DSCAM: variants seen among roughly 807,000 people sequenced by gnomAD.
The protein encoded by DSCAM is DS cell adhesion molecule.
DSCAM carries 47 observed loss-of-function variants against 217.7 expected under a neutral mutation model. That is an observed-to-expected ratio of 0.22 (90% CI 0.17 to 0.28). The LOEUF is 0.28. DSCAM is among the 10% of genes least tolerant of loss of function. DSCAM has a pLI of 1.00. For missense variants in DSCAM, 2,080 were observed against 2,618.3 expected (o/e 0.79, Z 4.49); for synonymous variants, 1,056 against 1,015.3 (o/e 1.04, Z -0.76).
intron 8 of DSCAM, among the ~76,000 whole-genome samples, chr21:40,324,103 C>CAAAAAAAAA (rs71330393): frequency 1.6e-3 from 45 of 27,944 alleles, no homozygotes; most frequent in African/African-American, 1.8e-3. Flanking sequence ...AACTCTGTCT[C>CAAAAAAAAA]AAAAAAAAAA....
At chr21:40,432,639 AT>A (rs1286951348) in intron 3 of DSCAM, among the ~76,000 whole-genome samples, 2 of 152,224 alleles carry the variant, frequency 1.3e-5, no homozygotes, top group African/African-American at 4.8e-5. Context: ...GACACAGCTA[AT>A]TATCTTGCCC....
At chr21:40,413,552 A>C (rs1344985078) in intron 3 of DSCAM, among the ~76,000 whole-genome samples, 1 of 152,186 alleles carries the variant, frequency 6.6e-6, no homozygotes, top group Admixed American at 6.5e-5. Context: ...AATTTCTCCT[A>C]TTTCTCTTGA....
chr21:40,071,652 G>A (rs1302876341), intron 27 of DSCAM, among the ~76,000 whole-genome samples: 1 of 152,122 alleles, frequency 6.6e-6, no homozygotes. Context: ...CCTGATAGAT[G>A]GTTGCTCACG....
intron 30 of DSCAM, among the ~76,000 whole-genome samples, chr21:40,051,167 A>C (rs1465113069): frequency 6.6e-6 from 1 of 152,212 alleles, no homozygotes; most frequent in South Asian, 2.1e-4. Context: ...AATTGATTAG[A>C]GATTTGAAAG....
chr21:40,607,060 C>G (rs958846932), intron 3 of DSCAM, among the ~76,000 whole-genome samples: 1 of 152,180 alleles, frequency 6.6e-6, no homozygotes, highest in Admixed American at 6.5e-5. Flanking sequence ...GTATAAATTA[C>G]CCAGTCTTGG....
chr21:40,068,097 T>C (rs1208288654), intron 27 of DSCAM, among the ~76,000 whole-genome samples: 1 of 151,950 alleles, frequency 6.6e-6, no homozygotes, highest in African/African-American at 2.4e-5. Flanking sequence ...GGCTGGGAAA[T>C]GATGGAGAAA....
chr21:40,354,147 T>A (rs955390633), intron 4 of DSCAM, among the ~76,000 whole-genome samples: 2 of 152,188 alleles, frequency 1.3e-5, no homozygotes, highest in African/African-American at 4.8e-5. Flanking sequence ...GGTAGACAGA[T>A]CAGTGGAATG....
chr21:40,668,156 A>C (rs1174089315), intron 3 of DSCAM, among the ~76,000 whole-genome samples: 1 of 152,142 alleles, frequency 6.6e-6, no homozygotes, highest in Non-Finnish European at 1.5e-5. Flanking sequence ...AGTGTCTGAA[A>C]ATGACTCGTT....
chr21:40,754,332 C>T lies in DSCAM; in HGVS notation c.44-45561G>A, dbSNP rs533398484. Among the ~76,000 whole-genome samples the T allele has an allele frequency of 2.1e-3, 315 of 152,296 alleles. 1 individual carries two copies. Among genetic ancestry groups the T allele is most frequent in the African/African-American group, 7.3e-3 (302 of 41,554 alleles). On this transcript the variant is annotated intron_variant, in intron 1 of 32. Transcript: ENST00000400454. ...CTTTTGACATATTAAATGTGTCTAC[C>T]TTCAGAATCCCCCAGAAGGAGACTC...
At position 40,144,425 on chromosome 21, in the gene DSCAM, C is replaced by T; in HGVS notation, c.3259+66G>A. 6 of 1,592,898 alleles carry T rather than the reference C, an allele frequency of 3.8e-6. No individual in the cohort carries two copies. Among genetic ancestry groups the T allele is most frequent in the Admixed American group, 1.7e-5 (1 of 59,188 alleles). On this transcript the variant is annotated intron_variant, in intron 17 of 32. Transcript: ENST00000400454. This position sits in a 1 kb window ranked among gnomAD's most constrained non-coding sequence, Gnocchi z 4.8. ...CGGGGGAGTGCGAGGTTGGGGGAGC[C>T]CCGGGGCAGACCCGAGGGAACCTTT... is the stretch of plus-strand genomic sequence containing the variant.
chr21:40,806,811 G>A (rs1198776986), intron 1 of DSCAM, among the ~76,000 whole-genome samples: 2 of 152,114 alleles, frequency 1.3e-5, no homozygotes, highest in East Asian at 3.9e-4. Context: ...TCCTTTGCAG[G>A]GACATGGATG....
rs1197261443 is a variant in DSCAM, at chr21:40,301,619, A to ACCACAGCC, written c.2063-5446_2063-5445insGGCTGTGG. ...ATAGCCTTTATTACGCTCATCTGGT[A>ACCACAGCC]TTGCTGTTTAACAGTCTGTGTCCCA... On this transcript the variant is annotated intron_variant, in intron 9 of 32. Transcript: ENST00000400454. Among the ~76,000 whole-genome samples the ACCACAGCC allele has an allele frequency of 2.7e-3, 415 of 151,454 alleles. 26 individuals are homozygous for ACCACAGCC. The highest frequency in any genetic ancestry group is 0.01 in the Middle Eastern group (3 of 290).
intron 3 of DSCAM, among the ~76,000 whole-genome samples, chr21:40,563,724 ATGTT>A (rs2076742340): frequency 6.8e-6 from 1 of 146,094 alleles, no homozygotes; most frequent in Non-Finnish European, 1.5e-5. Context: ...ATGTTTATAT[ATGTT>A]TATATGTTTA....
At chr21:40,661,219 A>G (rs866243048) in intron 3 of DSCAM, among the ~76,000 whole-genome samples, 7 of 152,368 alleles carry the variant, frequency 4.6e-5, no homozygotes, top group Middle Eastern at 3.4e-3. Flanking sequence ...TCTATGGTTT[A>G]CAGATTCACA....
chr21:40,772,074 A>G (rs1445728436), intron 1 of DSCAM, among the ~76,000 whole-genome samples: 1 of 132,280 alleles, frequency 7.6e-6, no homozygotes, highest in Non-Finnish European at 1.8e-5. Flanking sequence ...AATTTTCATA[A>G]TAAGGGCTGA....
rs1299403102 is a variant in DSCAM, at chr21:40,075,040, G to T, written c.4885C>A (p.Arg1629=). The change falls in exon 27 of 33, where the codon CGA becomes AGA. Residue 1629 remains arginine (R), a synonymous_variant. Transcript: ENST00000400454. ...RRREQRLKRL[R]DAKSLAEMLM... ...GGACAGCTGGGCCTGGACCTACCTCGCAGCCTCTTTAGCCTCTGCTCCCGC... is the reference window on the plus strand; with the variant it reads ...GGACAGCTGGGCCTGGACCTACCTCTCAGCCTCTTTAGCCTCTGCTCCCGC... 1 of 1,614,014 alleles carries T rather than the reference G, an allele frequency of 6.2e-7. No homozygotes were observed. The highest frequency in any genetic ancestry group is 1.1e-5 in the South Asian group (1 of 91,060).
At chr21:40,290,072 G>A (rs182823682) in intron 10 of DSCAM, among the ~76,000 whole-genome samples, 7 of 151,880 alleles carry the variant, frequency 4.6e-5, no homozygotes, top group African/African-American at 1.7e-4. Context: ...GAAAAATATC[G>A]AACAAATTAA....
Position 40,338,322 on chromosome 21 carries a change from G to A in DSCAM, c.1562C>T (p.Thr521Ile), listed in dbSNP as rs777809335. The A allele has an allele frequency of 3.1e-6, 5 of 1,614,114 alleles. No individual in the cohort carries two copies. In the East Asian group the frequency reaches 8.9e-5, roughly 29 times the overall value. The stretch of plus-strand genomic sequence containing the variant: ...GCCAATCACACGACAGTGAATGTAT[G>A]TGTCCCGTCCTGCTATTGCTGTGAT... ...KNITAIAGRDTYIHCRVIGYP... is the reference protein window; with the variant it reads ...KNITAIAGRDIYIHCRVIGYP... The change falls in exon 8 of 33, where the codon ACA becomes ATA. Residue 521 changes from threonine to isoleucine, a missense_variant. Transcript: ENST00000400454.
intron 3 of DSCAM, among the ~76,000 whole-genome samples, chr21:40,587,782 T>G (rs1472764460): frequency 6.6e-6 from 1 of 152,188 alleles, no homozygotes; most frequent in Non-Finnish European, 1.5e-5. Context: ...GAGTTGAAAG[T>G]TAAACATCAA....
Sources: allele counts gnomAD v4.1 joint callset (sites outside exome capture counted in the v4.1 genomes callset), GRCh38; gene constraint gnomAD v4.1.1; non-coding constraint Gnocchi (gnomAD v3.1); transcripts MANE v1.5; gene names NCBI Gene and HGNC (gene_info 2026-07-23, HGNC 2026-07-21).